The following CDC42BPA variants were observed in gnomAD, a reference collection of about 807,000 sequenced individuals.
CDC42BPA encodes the protein serine/threonine-protein kinase MRCK alpha.
CDC42BPA carries 80 observed loss-of-function variants against 223.5 expected under a neutral mutation model. The ratio of observed to expected loss-of-function variants is 0.36; its 90% CI spans 0.30 to 0.43. The LOEUF is 0.43. CDC42BPA is among the 20% of genes least tolerant of loss of function. CDC42BPA has a pLI of 1.00. For synonymous variants in CDC42BPA, 694 were observed against 718.6 expected (o/e 0.97, Z 0.55); for missense variants, 1,743 against 2,099.9 (o/e 0.83, Z 3.32).
At chr1:227,171,686 C>T (rs1171549987) in intron 5 of CDC42BPA, among the ~76,000 whole-genome samples, 2 of 151,548 alleles carry the variant, frequency 1.3e-5, no homozygotes, top group African/African-American at 2.4e-5. Context: ...TTTTTTTTAA[C>T]TTCACTAGAA....
At chr1:227,036,038 A>G (rs1429775023) in intron 24 of CDC42BPA, among the ~76,000 whole-genome samples, 2 of 152,212 alleles carry the variant, frequency 1.3e-5, no homozygotes, top group Non-Finnish European at 2.9e-5. Flanking sequence ...GGCAAACTCT[A>G]CCAATCCTTG....
chr1:227,159,493 A>G (rs1265847858), intron 6 of CDC42BPA, among the ~76,000 whole-genome samples: 1 of 152,144 alleles, frequency 6.6e-6, no homozygotes, highest in African/African-American at 2.4e-5. Flanking sequence ...AAAAAAAATA[A>G]TAAAATTTTT....
chr1:227,317,721 A>G lies in CDC42BPA; in HGVS notation c.-539T>C. On this transcript the variant is annotated 5_prime_UTR_variant, in exon 1 of 37. Transcript: ENST00000366766. Reference sequence around the variant, plus strand: ...CAAAAATGTTGCTGCAAATCCTCCCAACCACCACTTGGATAATGCATCAGC... The same window carrying G: ...CAAAAATGTTGCTGCAAATCCTCCCGACCACCACTTGGATAATGCATCAGC... 1 of 398,608 alleles carries G rather than the reference A, an allele frequency of 2.5e-6. No homozygotes were observed. The highest frequency in any genetic ancestry group is 3.6e-5 in the East Asian group (1 of 28,082). 24.7% of individuals were successfully genotyped at this position (398,608 alleles called of 1,614,324 possible). A position where few individuals can be genotyped will look rare whatever the true frequency, so the allele number is the denominator to read the frequency against.
chr1:227,248,618 A>G (rs567991538), intron 2 of CDC42BPA, among the ~76,000 whole-genome samples: 2 of 152,300 alleles, frequency 1.3e-5, no homozygotes, highest in South Asian at 4.1e-4. Context: ...CAAATGGCAT[A>G]AGAATAAAAT....
chr1:227,082,285 C>T (rs755464688), intron 16 of CDC42BPA, among the ~76,000 whole-genome samples: 1 of 151,986 alleles, frequency 6.6e-6, no homozygotes, highest in East Asian at 1.9e-4. Flanking sequence ...GGGCTCAAGC[C>T]ATCTGCCCGC....
intron 2 of CDC42BPA, among the ~76,000 whole-genome samples, chr1:227,241,121 A>G (rs1361033648): frequency 6.6e-6 from 1 of 150,586 alleles, no homozygotes; most frequent in African/African-American, 2.4e-5. Flanking sequence ...GATTATGCTG[A>G]TATATAACAC....
At chr1:227,076,986 G>C (rs1679622581) in intron 17 of CDC42BPA, among the ~76,000 whole-genome samples, 1 of 152,104 alleles carries the variant, frequency 6.6e-6, no homozygotes, top group Non-Finnish European at 1.5e-5. Context: ...ACTACAGAAG[G>C]CCAACTTAGA....
intron 2 of CDC42BPA, among the ~76,000 whole-genome samples, chr1:227,232,501 G>C (rs1678178520): frequency 6.6e-6 from 1 of 152,164 alleles, no homozygotes; most frequent in African/African-American, 2.4e-5. Context: ...CTGATTTTTA[G>C]AATTTTCAGC....
chr1:227,248,614 G>C (rs1681416967), intron 2 of CDC42BPA, among the ~76,000 whole-genome samples: 1 of 151,998 alleles, frequency 6.6e-6, no homozygotes, highest in South Asian at 2.1e-4. Context: ...TGGTCAAATG[G>C]CATAAGAATA....
chr1:227,030,202 A>G (rs1266291624), intron 29 of CDC42BPA, among the ~76,000 whole-genome samples: 1 of 152,158 alleles, frequency 6.6e-6, no homozygotes, highest in Non-Finnish European at 1.5e-5. Flanking sequence ...CAAGAAAGAC[A>G]ATACATATTT....
chr1:227,139,794 GA>G, intron 9 of CDC42BPA, 52 bp from the exon 10 acceptor site: 1 of 1,184,158 alleles, frequency 8.4e-7, no homozygotes, highest in Non-Finnish European at 1.1e-6. Context: ...AAAGCTTGAA[GA>G]AAAACGTTAA....
chr1:227,222,919 T>C (rs558840530), intron 2 of CDC42BPA, among the ~76,000 whole-genome samples: 16 of 152,320 alleles, frequency 1.1e-4, no homozygotes, highest in Admixed American at 2.6e-4. Context: ...GGCTGGACCC[T>C]TGGCCCCCAC....
At chr1:227,234,151 T>C (rs1214419929) in intron 2 of CDC42BPA, 1 of 152,186 alleles carries the variant, frequency 6.6e-6, no homozygotes, top group Non-Finnish European at 1.5e-5. Context: ...GCGGTTTCAG[T>C]AAATCCAGGA....
intron 1 of CDC42BPA, among the ~76,000 whole-genome samples, chr1:227,271,740 CTCT>C (rs549432196): frequency 1.3e-4 from 20 of 152,246 alleles, no homozygotes; most frequent in Admixed American, 9.8e-4. Flanking sequence ...ATGTATTTAA[CTCT>C]TTACTGAGCA....
chr1:227,203,291 G>A (rs1292301401), intron 3 of CDC42BPA, among the ~76,000 whole-genome samples: 1 of 152,230 alleles, frequency 6.6e-6, no homozygotes, highest in Admixed American at 6.5e-5. Context: ...TCAGTTGCTT[G>A]TCACAATTGG....
intron 35 of CDC42BPA, 60 bp downstream of exon 35, chr1:227,004,934 G>C: frequency 9.1e-7 from 1 of 1,094,066 alleles, no homozygotes; most frequent in Non-Finnish European, 1.4e-6. Context: ...CGGGACAGGA[G>C]GGGAGGGAGC....
At chr1:227,046,231 CAT>C (rs1486193513) in intron 23 of CDC42BPA, among the ~76,000 whole-genome samples, 2 of 152,002 alleles carry the variant, frequency 1.3e-5, no homozygotes, top group African/African-American at 2.4e-5. Flanking sequence ...TGAGAGCAAA[CAT>C]ATGATGTGCT....
chr1:227,229,376 C>T (rs1413184611), intron 2 of CDC42BPA, among the ~76,000 whole-genome samples: 3 of 152,100 alleles, frequency 2.0e-5, no homozygotes, highest in African/African-American at 7.2e-5. Flanking sequence ...TATATATGAG[C>T]CTTATGCCAG....
intron 27 of CDC42BPA, among the ~76,000 whole-genome samples, chr1:227,031,755 A>C (rs1405648470): frequency 6.6e-6 from 1 of 152,114 alleles, no homozygotes; most frequent in Non-Finnish European, 1.5e-5. Flanking sequence ...CTTCTGTAAA[A>C]GTGCCAGAAC....
Sources: gnomAD v4.1 joint callset for allele counts (sites outside exome capture counted in the v4.1 genomes callset) on GRCh38, gnomAD v4.1.1 for gene constraint, MANE v1.5 for transcripts, NCBI Gene and HGNC (gene_info 2026-07-23, HGNC 2026-07-21) for gene names.